Variants in RAB30 observed in about 807,000 individuals in gnomAD.
RAB30 encodes ras-related protein Rab-30.
A neutral mutation model predicts 25.1 loss-of-function variants in RAB30; 9 were observed. The observed-to-expected ratio is 0.36, with a 90% CI of 0.22 to 0.63. The LOEUF is 0.63. Among genes scored for constraint, RAB30 ranks in the 20% least tolerant of loss-of-function variants. The pLI is 0.69. For missense variants in RAB30, 140 were observed against 243.5 expected, an observed-to-expected ratio of 0.58 and a Z score of 2.83; for synonymous variants, 77 against 86.4, an observed-to-expected ratio of 0.89 and a Z score of 0.60.
At chr11:82,983,716 T>C (rs909521246) in intron 4 of RAB30, among the ~76,000 whole-genome samples, 3 of 152,010 alleles carry the variant, frequency 2.0e-5, no homozygotes, top group African/African-American at 4.8e-5. Flanking sequence ...TTACACGCAA[T>C]TGAGCCACCG....
At chr11:83,009,190 C>T (rs1456316269) in intron 1 of RAB30, among the ~76,000 whole-genome samples, 3 of 151,904 alleles carry the variant, frequency 2.0e-5, no homozygotes, top group African/African-American at 7.3e-5. Context: ...CTCAGCCTCC[C>T]AAGTAGCTGG....
intron 1 of RAB30, among the ~76,000 whole-genome samples, chr11:83,027,442 A>T (rs1300705703): frequency 6.6e-6 from 1 of 152,142 alleles, no homozygotes; most frequent in African/African-American, 2.4e-5. Flanking sequence ...CCATCCGAAG[A>T]AGAGTGAAAG....
intron 1 of RAB30, among the ~76,000 whole-genome samples, chr11:83,059,257 T>C (rs1177678308): frequency 1.3e-5 from 2 of 152,240 alleles, no homozygotes; most frequent in East Asian, 3.8e-4. Flanking sequence ...CCAGGGTTTC[T>C]GTGTGCAAAA....
chr11:83,032,282 T>C (rs1215917729), intron 1 of RAB30, among the ~76,000 whole-genome samples: 1 of 152,212 alleles, frequency 6.6e-6, no homozygotes, highest in Non-Finnish European at 1.5e-5. Context: ...TGCTTGCTTC[T>C]TGGTTTTTTA....
chr11:83,062,124 A>G (rs2121520939), intron 1 of RAB30, among the ~76,000 whole-genome samples: 1 of 152,304 alleles, frequency 6.6e-6, no homozygotes, highest in South Asian at 2.1e-4. Context: ...CAGAAACAGT[A>G]TAGTTTTGGT....
intron 1 of RAB30, chr11:82,997,579 C>G (rs886825276): frequency 7.7e-6 from 3 of 390,928 alleles, no homozygotes; most frequent in Admixed American, 8.2e-5. Context: ...ACCTTTATTC[C>G]TCCAAGCTAT....
rs766713053 is a variant in RAB30, at chr11:82,980,946, A to T, written c.*1219T>A. ...CGTCTGAAGGTAACATTATTACAAG[A>T]AGGAGGGGATAAATGACAGTTCAAT... On this transcript the variant is annotated 3_prime_UTR_variant, in exon 5 of 5. Coordinates refer to ENST00000527633, the MANE Select transcript of RAB30 (RefSeq NM_001286060.2). 1 of 152,200 alleles carries T rather than the reference A, an allele frequency of 6.6e-6. No homozygotes were observed. The highest frequency in any genetic ancestry group is 1.5e-5 in the Non-Finnish European group (1 of 68,022). 9.4% of individuals were successfully genotyped at this position (152,200 alleles called of 1,614,324 possible).
intron 1 of RAB30, among the ~76,000 whole-genome samples, chr11:83,023,088 T>C (rs1590859482): frequency 6.6e-6 from 1 of 152,152 alleles, no homozygotes; most frequent in East Asian, 1.9e-4. Flanking sequence ...TGTTACTCTT[T>C]CAAATTCTCA....
intron 1 of RAB30, among the ~76,000 whole-genome samples, chr11:83,000,658 A>G (rs1185643907): frequency 6.6e-6 from 1 of 152,230 alleles, no homozygotes; most frequent in African/African-American, 2.4e-5. Flanking sequence ...CCAAAGCAGG[A>G]AATCCAGAGG....
chr11:83,014,900 G>C (rs778863751), intron 1 of RAB30, among the ~76,000 whole-genome samples: 12 of 152,032 alleles, frequency 7.9e-5, no homozygotes, highest in South Asian at 2.1e-4. Flanking sequence ...ATGAAGAATG[G>C]AAGAAGTACA....
At chr11:82,992,412 A>C (rs1346366238) in intron 3 of RAB30, 1 of 455,930 alleles carries the variant, frequency 2.2e-6, no homozygotes, top group Non-Finnish European at 4.4e-6. Flanking sequence ...CAGGGCTGGA[A>C]GAGACACTGA....
chr11:83,013,785 G>C (rs986869413), intron 1 of RAB30, among the ~76,000 whole-genome samples: 2 of 152,174 alleles, frequency 1.3e-5, no homozygotes, highest in African/African-American at 2.4e-5. Flanking sequence ...AAGAAATAAA[G>C]AAAGAGAACT....
At chr11:83,018,012 C>A (rs1590856261) in intron 1 of RAB30, among the ~76,000 whole-genome samples, 1 of 152,146 alleles carries the variant, frequency 6.6e-6, no homozygotes, top group Non-Finnish European at 1.5e-5. Flanking sequence ...AAAAGTGTTT[C>A]ATTTTCCACT....
intron 3 of RAB30, among the ~76,000 whole-genome samples, chr11:82,992,854 G>A (rs968666076): frequency 2.6e-5 from 4 of 151,854 alleles, no homozygotes; most frequent in Non-Finnish European, 5.9e-5. Context: ...CTCAAACAAT[G>A]CTCTCACTCA....
At chr11:83,033,374 G>A (rs542851029) in intron 1 of RAB30, among the ~76,000 whole-genome samples, 10 of 151,600 alleles carry the variant, frequency 6.6e-5, no homozygotes, top group Admixed American at 2.6e-4. Flanking sequence ...CCTGCCTCAA[G>A]TTCTTAAATG....
At chr11:83,023,792 A>G (rs1857642704) in intron 1 of RAB30, among the ~76,000 whole-genome samples, 2 of 152,180 alleles carry the variant, frequency 1.3e-5, no homozygotes, top group African/African-American at 4.8e-5. Context: ...GCCCAGTAAC[A>G]GTGAATTCCC....
intron 1 of RAB30, among the ~76,000 whole-genome samples, chr11:83,035,998 T>C (rs1020398018): frequency 5.9e-5 from 9 of 152,172 alleles, no homozygotes; most frequent in African/African-American, 2.2e-4. Context: ...ATACTTAATA[T>C]GTATCAGGTA....
At chr11:82,983,710 A>G (rs191052340) in intron 4 of RAB30, among the ~76,000 whole-genome samples, 1 of 152,006 alleles carries the variant, frequency 6.6e-6, no homozygotes, top group Non-Finnish European at 1.5e-5. Flanking sequence ...CTGGGATTAC[A>G]CGCAATTGAG....
chr11:83,036,559 G>A (rs775728102), intron 1 of RAB30, among the ~76,000 whole-genome samples: 7 of 152,144 alleles, frequency 4.6e-5, no homozygotes, highest in African/African-American at 7.2e-5. Flanking sequence ...CACTTTCTAT[G>A]AGCCAGCTAC....
Sources: allele counts gnomAD v4.1 joint callset (sites outside exome capture counted in the v4.1 genomes callset), GRCh38; gene constraint gnomAD v4.1.1; transcripts MANE v1.5; gene names NCBI Gene and HGNC (gene_info 2026-07-23, HGNC 2026-07-21).